The following PHLDB1 variants were observed in gnomAD, a reference collection of about 807,000 sequenced individuals.
PHLDB1 encodes the protein pleckstrin homology like domain family B member 1.
PHLDB1 carries 65 observed loss-of-function variants against 139.3 expected under a neutral mutation model. That is an observed-to-expected ratio of 0.47 (90% CI 0.38 to 0.57). PHLDB1 has a LOEUF of 0.57. PHLDB1 is among the 20% of genes least tolerant of loss of function. The pLI is 0.00. For missense variants in PHLDB1, 1,624 were observed against 1,839.7 expected (o/e 0.88, Z 2.14); for synonymous variants, 679 against 734.5 (o/e 0.92, Z 1.22).
rs1359516539 is a variant in PHLDB1 at position 118,645,356 on chromosome 11, GACA to G, written c.3127_3129del (p.Gln1043del). On this transcript the variant is annotated inframe_deletion and splice_region_variant, in exon 16 of 23. Transcript: ENST00000600882. The surrounding 1 kb of genome is among the most constrained non-coding windows in gnomAD (Gnocchi z 5.1). ...TGACTCCCATCTGTCTCTCCTTCAG[GACA>G]ACAAGTGATTGAAGAGCAGCGGCGG... The G allele has an allele frequency of 1.1e-5, 17 of 1,516,080 alleles. No individual in the cohort carries two copies. Among genetic ancestry groups the G allele is most frequent in the Non-Finnish European group, 1.4e-5 (16 of 1,131,908 alleles). The allele number at this position is 1,516,080 out of a possible 1,614,324, so 93.9% of individuals were successfully genotyped here.
In PHLDB1 at chr11:118,650,610, G is replaced by T. The variant is rs1240600209; in HGVS notation, c.3874+63G>T. ...ATCCCTGGGCTCTGTTACCCAGGAC[G>T]GCTGGTCTTCTAGAAGGAGGCCAAG... On this transcript the variant is annotated intron_variant, in intron 20 of 22. Coordinates refer to ENST00000600882, the MANE Select transcript of PHLDB1 (RefSeq NM_001144758.3). The surrounding 1 kb of genome is among the most constrained non-coding windows in gnomAD (Gnocchi z 4.7). The T allele has an allele frequency of 1.4e-5, 16 of 1,178,352 alleles. No homozygotes were observed. Among genetic ancestry groups the T allele is most frequent in the South Asian group, 1.2e-5 (1 of 81,808 alleles). The allele number at this position is 1,178,352 out of a possible 1,614,324, so 73.0% of individuals were successfully genotyped here.
chr11:118,651,992 T>G (rs1948415173), intron 20 of PHLDB1: 1 of 152,170 alleles, frequency 6.6e-6, no homozygotes, highest in Non-Finnish European at 1.5e-5. Context: ...GTATTAAATG[T>G]CCTAGTTGGG....
Position 118,645,476 on chromosome 11 carries a change from C to T in PHLDB1, c.3242C>T (p.Ser1081Leu), listed in dbSNP as rs368998294. The stretch of plus-strand genomic sequence containing the variant: ...GCAGCACCCTTCCCAGCGGGCCCCT[C>T]GGGCTTCCCCCCTCTCATGCACCAC... ...HGAAPFPAGPSGFPPLMHHSI... is the reference protein window; with the variant it reads ...HGAAPFPAGPLGFPPLMHHSI... The change falls in exon 16 of 23, where the codon TCG becomes TTG. Residue 1081 changes from serine to leucine, a missense_variant. Transcript: ENST00000600882. The surrounding 1 kb of genome is among the most constrained non-coding windows in gnomAD (Gnocchi z 5.1). 60 of 1,611,132 alleles carry T rather than the reference C, an allele frequency of 3.7e-5. No individual in the cohort carries two copies. The highest frequency in any genetic ancestry group is 1.1e-4 in the African/African-American group (8 of 75,018).
rs267602717 is a variant in PHLDB1, at chr11:118,628,294, C to T, written c.1471C>T (p.Arg491Trp). The change falls in exon 6 of 23, where the codon CGG becomes TGG. Residue 491 changes from arginine (R) to tryptophan (W), a missense_variant. Arg to Trp is a moderately radical substitution (Grantham distance 101, BLOSUM62 -3). Coordinates refer to ENST00000600882, the MANE Select transcript of PHLDB1 (RefSeq NM_001144758.3). ...KLNREVAESPRPRRWAAHGAS... is the reference protein window; with the variant it reads ...KLNREVAESPWPRRWAAHGAS... ...AAACAGGGAAGTGGCAGAGAGTCCT[C>T]GGCCCCGGCGCTGGGCAGCCCATGG... 37 of 1,613,932 alleles carry T rather than the reference C, an allele frequency of 2.3e-5. No homozygotes were observed. The highest frequency in any genetic ancestry group is 2.7e-5 in the Non-Finnish European group (32 of 1,179,958).
Position 118,627,998 on chromosome 11 carries a change from G to A in PHLDB1, c.1175G>A (p.Arg392Gln), listed in dbSNP as rs200824685. 158 of 1,613,826 alleles carry A rather than the reference G, an allele frequency of 9.8e-5. No homozygotes were observed. The highest frequency in any genetic ancestry group is 1.2e-4 in the Non-Finnish European group (146 of 1,179,982). ...PKFQPPVPAP[R>Q]NKIGTLQDRP... is the part of the protein sequence containing the mutation. ...TTTCAGCCTCCAGTCCCTGCTCCCC[G>A]AAACAAGATTGGCACACTCCAGGAC... Residue 392 changes from arginine to glutamine, a missense_variant, in exon 6 of 23, where the codon CGA becomes CAA. Physicochemically the swap from Arg to Gln is conservative, Grantham distance 43 (BLOSUM62 1). Coordinates refer to ENST00000600882, the MANE Select transcript of PHLDB1 (RefSeq NM_001144758.3).
At chr11:118,607,137 T>TA (rs377087396), upstream of PHLDB1, among the ~76,000 whole-genome samples, 6 of 151,870 alleles carry the variant, frequency 4.0e-5, no homozygotes, top group African/African-American at 1.4e-4. Flanking sequence ...GAGCATGTTG[T>TA]AGGGGCTTCG....
At chr11:118,639,105 C>T in intron 11 of PHLDB1, 57 bp from the exon 12 acceptor site, 2 of 1,569,910 alleles carry the variant, frequency 1.3e-6, no homozygotes, top group Admixed American at 3.3e-5. Context: ...ACAGGGCCCC[C>T]CTCACACAGT....
In PHLDB1 at chr11:118,614,563, G is replaced by A; in HGVS notation, c.65G>A (p.Gly22Glu). Residue 22 changes from glycine (G) to glutamate (E), a missense_variant, in exon 3 of 23, where the codon GGA becomes GAA. Coordinates refer to ENST00000600882, the MANE Select transcript of PHLDB1 (RefSeq NM_001144758.3). The part of the protein sequence containing the change: ...GCQTQTMVQK[G>E]PLDLIETGKG... The stretch of plus-strand genomic sequence containing the variant: ...CTCCACCCGTACTACCTACAGAAAG[G>A]ACCCTTGGACCTGATCGAGACAGGC... 3 of 1,613,810 alleles carry A rather than the reference G, an allele frequency of 1.9e-6. No homozygotes were observed. Among genetic ancestry groups the A allele is most frequent in the East Asian group, 2.2e-5 (1 of 44,848 alleles).
In PHLDB1 at chr11:118,639,300, G is replaced by A. The variant is rs534562457; in HGVS notation, c.2736+49G>A. The A allele has an allele frequency of 1.6e-5, 23 of 1,404,758 alleles. No homozygotes were observed. The South Asian group carries it at 2.4e-4, about 15-fold the overall frequency. 87.0% of individuals were successfully genotyped at this position (1,404,758 alleles called of 1,614,324 possible). A position where few individuals can be genotyped will look rare whatever the true frequency, so the allele number is the denominator to read the frequency against. On this transcript the variant is annotated intron_variant, in intron 12 of 22. Coordinates refer to ENST00000600882, the MANE Select transcript of PHLDB1 (RefSeq NM_001144758.3). Reference sequence around the variant, plus strand: ...GCTTCAGGCCCAAGGCGTGTCCTGGGAGGCTCTGAGTAACACATGGCACTT... The same window carrying A: ...GCTTCAGGCCCAAGGCGTGTCCTGGAAGGCTCTGAGTAACACATGGCACTT...
Position 118,631,773 on chromosome 11 carries a change from T to TGGG in PHLDB1, c.2101-139_2101-138insGGG, listed in dbSNP as rs535829206. On this transcript the variant is annotated intron_variant, in intron 7 of 22. Coordinates refer to ENST00000600882, the MANE Select transcript of PHLDB1 (RefSeq NM_001144758.3). ...TATTGCTCCCCTCAAAGGTGGGGGTTGCGGGGGGGCAGGGAATTAGCCTCC... is the reference window on the plus strand; with the variant it reads ...TATTGCTCCCCTCAAAGGTGGGGGTTGGGGCGGGGGGGCAGGGAATTAGCCTCC... The TGGG allele has an allele frequency of 6.9e-6, 7 of 1,009,840 alleles. No individual in the cohort carries two copies. The African/African-American group carries it at 9.8e-5, about 14-fold the overall frequency. The allele number at this position is 1,009,840 out of a possible 1,614,324, so 62.6% of individuals were successfully genotyped here.
rs1939894692 is a variant in PHLDB1 at position 118,610,230 on chromosome 11, C to T, written c.-22+2531C>T. Among the ~76,000 whole-genome samples the T allele has an allele frequency of 6.6e-6, 1 of 152,076 alleles. No homozygotes were observed. The highest frequency in any genetic ancestry group is 2.4e-5 in the African/African-American group (1 of 41,400). ...GCCTTTCATTTTCCCCTTCACATCC[C>T]GGTGGCTCCCCTTCCCCGCCCCGTC... On this transcript the variant is annotated intron_variant, in intron 1 of 22. Transcript: ENST00000600882. This position sits in a 1 kb window ranked among gnomAD's most constrained non-coding sequence, Gnocchi z 8.7.
At chr11:118,643,402 G>A in intron 13 of PHLDB1, 2 of 439,800 alleles carry the variant, frequency 4.5e-6, no homozygotes, top group Non-Finnish European at 6.0e-6. Flanking sequence ...TTCTTTTGCA[G>A]ATAAGGAAGC....
intron 1 of PHLDB1, among the ~76,000 whole-genome samples, chr11:118,612,271 A>T (rs1940599598): frequency 6.6e-6 from 1 of 152,188 alleles, no homozygotes; most frequent in African/African-American, 2.4e-5. Flanking sequence ...GGCTTTATAT[A>T]TCCCAGTCTA....
rs1401544992 is a variant in PHLDB1, at chr11:118,611,982, G to A, written c.-21-1834G>A. On this transcript the variant is annotated intron_variant, in intron 1 of 22. Coordinates refer to ENST00000600882, the MANE Select transcript of PHLDB1 (RefSeq NM_001144758.3). This position sits in a 1 kb window ranked among gnomAD's most constrained non-coding sequence, Gnocchi z 4.7. The stretch of plus-strand genomic sequence containing the variant: ...ATACTATAACATCCACCCAATTTAA[G>A]TATGCAATTAAAAGATTTTTAGTAT... Among the ~76,000 whole-genome samples the A allele has an allele frequency of 1.3e-5, 2 of 152,018 alleles. No homozygotes were observed. Among genetic ancestry groups the A allele is most frequent in the Non-Finnish European group, 2.9e-5 (2 of 68,002 alleles).
Position 118,610,105 on chromosome 11 carries a change from C to T in PHLDB1, c.-22+2406C>T, listed in dbSNP as rs185012526. On this transcript the variant is annotated intron_variant, in intron 1 of 22. Coordinates refer to ENST00000600882, the MANE Select transcript of PHLDB1 (RefSeq NM_001144758.3). The surrounding 1 kb of genome is among the most constrained non-coding windows in gnomAD (Gnocchi z 8.7). ...CCACTTGAGGACCCGCCTGTCCTTT[C>T]TTCCCCCGACCCCTCCACCTCTGTG... Among the ~76,000 whole-genome samples the T allele has an allele frequency of 9.6e-4, 146 of 152,072 alleles. No individual in the cohort carries two copies. The highest frequency in any genetic ancestry group is 3.3e-3 in the African/African-American group (137 of 41,502).
chr11:118,643,382 T>C (rs782528926), intron 13 of PHLDB1: 70 of 277,130 alleles, frequency 2.5e-4, no homozygotes, highest in Admixed American at 3.9e-4. Context: ...TTTAGTCTAG[T>C]CCTACCCCCT....
At chr11:118,638,820 A>T in intron 10 of PHLDB1, 71 bp from the exon 11 acceptor site, 1 of 1,149,544 alleles carries the variant, frequency 8.7e-7, no homozygotes, top group Non-Finnish European at 1.2e-6. Context: ...TGGGCAGGAG[A>T]GCCAGCTAGT....
intron 4 of PHLDB1, among the ~76,000 whole-genome samples, chr11:118,623,885 T>G (rs1486993298): frequency 6.7e-6 from 1 of 148,650 alleles, no homozygotes; most frequent in East Asian, 2.1e-4. Context: ...TGTGTGTGTG[T>G]GTGTGTGTGT....
chr11:118,643,715 C>T (rs868927556), intron 13 of PHLDB1, 85 bp from the exon 14 acceptor site: 231 of 1,606,950 alleles, frequency 1.4e-4, no homozygotes, highest in African/African-American at 1.4e-3. Flanking sequence ...CAGGGCGGTA[C>T]GTCAGATCAC....
Sources: allele counts gnomAD v4.1 joint callset (sites outside exome capture counted in the v4.1 genomes callset), GRCh38; gene constraint gnomAD v4.1.1; non-coding constraint Gnocchi (gnomAD v3.1); transcripts MANE v1.5; gene names NCBI Gene and HGNC (gene_info 2026-07-23, HGNC 2026-07-21).